RPS6KC1: variants seen among roughly 807,000 people sequenced by gnomAD.
The protein encoded by RPS6KC1 is inactive ribosomal protein S6 kinase delta-1.
RPS6KC1 carries 54 observed loss-of-function variants against 103.8 expected under a neutral mutation model. That is an observed-to-expected ratio of 0.52 (90% CI 0.42 to 0.65). The LOEUF (loss-of-function observed/expected upper bound fraction) is 0.65. Among genes scored for constraint, RPS6KC1 ranks in the 30% least tolerant of loss-of-function variants. RPS6KC1 has a pLI of 0.00. For missense variants in RPS6KC1, 1,151 were observed against 1,253.8 expected (o/e 0.92, Z 1.24); for synonymous variants, 439 against 438.7 (o/e 1.00, Z -0.01).
chr1:213,601,825 C>G, the RPS6KC1 span, among the ~76,000 whole-genome samples: 1 of 151,952 alleles, frequency 6.6e-6, no homozygotes, highest in Non-Finnish European at 1.5e-5. Flanking sequence ...CTCATTCCTC[C>G]AAATAAAACT....
chr1:213,537,624 C>T, the RPS6KC1 span, among the ~76,000 whole-genome samples: 1 of 152,108 alleles, frequency 6.6e-6, no homozygotes, highest in African/African-American at 2.4e-5. Context: ...GCTAGAGTCC[C>T]AAGTGAGCTT....
At chr1:213,445,842 G>A in the RPS6KC1 span, among the ~76,000 whole-genome samples, 4 of 152,120 alleles carry the variant, frequency 2.6e-5, no homozygotes, top group Non-Finnish European at 5.9e-5. Context: ...GGTACCCCTC[G>A]CATTCATGGT....
At chr1:213,313,133 C>T in the RPS6KC1 span, among the ~76,000 whole-genome samples, 3 of 152,098 alleles carry the variant, frequency 2.0e-5, no homozygotes, top group Non-Finnish European at 2.9e-5. Flanking sequence ...TTTTCATGAC[C>T]TGCAAAGTGA....
At chr1:213,429,565 A>G in the RPS6KC1 span, among the ~76,000 whole-genome samples, 576 of 152,328 alleles carry the variant, frequency 3.8e-3, 9 homozygotes, top group African/African-American at 0.013. Flanking sequence ...ACTTTTGAGA[A>G]TTCAGTATCA....
the RPS6KC1 span, among the ~76,000 whole-genome samples, chr1:213,660,144 A>G: frequency 6.6e-6 from 1 of 152,220 alleles, no homozygotes; most frequent in Non-Finnish European, 1.5e-5. Flanking sequence ...AGGAGCCCCT[A>G]AAGCTACCCT....
intron 8 of RPS6KC1, among the ~76,000 whole-genome samples, chr1:213,200,779 A>G (rs1328488339): frequency 6.6e-6 from 1 of 152,214 alleles, no homozygotes; most frequent in Admixed American, 6.5e-5. Flanking sequence ...TACAAGAAGA[A>G]AAAAACAGCC....
chr1:213,620,350 T>G, the RPS6KC1 span, among the ~76,000 whole-genome samples: 1 of 152,240 alleles, frequency 6.6e-6, no homozygotes, highest in Non-Finnish European at 1.5e-5. Flanking sequence ...TCTTGGTACC[T>G]TGGTGGAGGG....
chr1:213,101,037 C>G (rs1044545313), intron 3 of RPS6KC1, among the ~76,000 whole-genome samples: 2 of 152,178 alleles, frequency 1.3e-5, no homozygotes, highest in Admixed American at 1.3e-4. Flanking sequence ...CTAATTTACA[C>G]TCCCACCAAC....
At chr1:213,523,812 A>G in the RPS6KC1 span, among the ~76,000 whole-genome samples, 2 of 152,200 alleles carry the variant, frequency 1.3e-5, no homozygotes, top group African/African-American at 4.8e-5. Flanking sequence ...CCCCGATCTA[A>G]TCAGGGGATT....
the RPS6KC1 span, among the ~76,000 whole-genome samples, chr1:213,807,422 A>T: frequency 1.3e-5 from 2 of 152,342 alleles, no homozygotes; most frequent in African/African-American, 2.4e-5. Context: ...TACACCAATC[A>T]GACGTAGATT....
chr1:213,114,925 CT>C (rs1459460893), intron 4 of RPS6KC1, among the ~76,000 whole-genome samples: 1 of 152,112 alleles, frequency 6.6e-6, no homozygotes, highest in Non-Finnish European at 1.5e-5. Flanking sequence ...GGTGGATAAG[CT>C]TTTTGATGTG....
intron 6 of RPS6KC1, among the ~76,000 whole-genome samples, chr1:213,133,710 T>C (rs147306676): frequency 6.0e-4 from 92 of 152,264 alleles, no homozygotes; most frequent in African/African-American, 2.1e-3. Flanking sequence ...AAGGTAGATA[T>C]TGTGATCCCT....
At chr1:213,084,018 CAAG>C (rs1243977620) in intron 3 of RPS6KC1, among the ~76,000 whole-genome samples, 2 of 152,086 alleles carry the variant, frequency 1.3e-5, no homozygotes, top group Admixed American at 6.6e-5. Context: ...CAGAAAGTTG[CAAG>C]AAGAAGAATA....
At chr1:213,275,377 G>A (rs568506396), downstream of RPS6KC1, among the ~76,000 whole-genome samples, 1 of 152,210 alleles carries the variant, frequency 6.6e-6, no homozygotes, top group South Asian at 2.1e-4. Flanking sequence ...TTATAGAAGG[G>A]TTTTTCCAGA....
At chr1:213,111,027 G>A (rs2082976982) in intron 4 of RPS6KC1, among the ~76,000 whole-genome samples, 1 of 150,968 alleles carries the variant, frequency 6.6e-6, no homozygotes, top group Non-Finnish European at 1.5e-5. Flanking sequence ...GACTTGCCTT[G>A]CCCTTATATA....
At chr1:213,109,222 C>T (rs1052346817) in intron 4 of RPS6KC1, among the ~76,000 whole-genome samples, 5 of 152,108 alleles carry the variant, frequency 3.3e-5, no homozygotes, top group East Asian at 1.9e-4. Flanking sequence ...CTGCAAGCTC[C>T]ACCTCCCGGG....
chr1:213,584,926 T>C, the RPS6KC1 span, among the ~76,000 whole-genome samples: 1 of 152,188 alleles, frequency 6.6e-6, no homozygotes, highest in Non-Finnish European at 1.5e-5. Context: ...GTTCCAAATC[T>C]TTATAGACAA....
chr1:213,680,166 A>G, the RPS6KC1 span, among the ~76,000 whole-genome samples: 2 of 152,220 alleles, frequency 1.3e-5, no homozygotes, highest in Non-Finnish European at 2.9e-5. Context: ...ATGTTTACCC[A>G]AAGAAATTGT....
chr1:213,420,034 C>T, the RPS6KC1 span, among the ~76,000 whole-genome samples: 2 of 152,194 alleles, frequency 1.3e-5, no homozygotes, highest in Admixed American at 1.3e-4. Context: ...ATTTAGGGGG[C>T]TGGGTGGAGC....
Sources: gnomAD v4.1 joint callset for allele counts (sites outside exome capture counted in the v4.1 genomes callset) on GRCh38, gnomAD v4.1.1 for gene constraint, MANE v1.5 for transcripts, NCBI Gene and HGNC (gene_info 2026-07-23, HGNC 2026-07-21) for gene names.